Variants in TUSC3 observed in about 807,000 individuals in gnomAD.
TUSC3 encodes the protein dolichyl-diphosphooligosaccharide--protein glycosyltransferase subunit TUSC3.
Under a neutral mutation model 44.8 loss-of-function variants are expected in TUSC3, and 45 were observed. The ratio of observed to expected loss-of-function variants is 1.00; its 90% CI spans 0.79 to 1.29. The LOEUF (loss-of-function observed/expected upper bound fraction) is 1.29, where lower values mean the gene tolerates loss of function less well. TUSC3 is among the 50% of genes most tolerant of loss of function. TUSC3 has a pLI of 0.00. For synonymous variants in TUSC3, 212 were observed against 152.9 expected (o/e 1.39, Z -2.85); for missense variants, 519 against 437.9 (o/e 1.19, Z -1.65).
intron 1 of TUSC3, among the ~76,000 whole-genome samples, chr8:15,545,242 T>C (rs17121627): frequency 0.028 from 4,284 of 151,640 alleles, 212 homozygotes; most frequent in African/African-American, 0.096. Flanking sequence ...CAGCAATAGA[T>C]AGTTTATTAC....
At chr8:15,518,227 G>A (rs1182957542) in intron 2 of TUSC3, among the ~76,000 whole-genome samples, 1 of 151,786 alleles carries the variant, frequency 6.6e-6, no homozygotes, top group African/African-American at 2.4e-5. Context: ...ACTTCTTTGT[G>A]GTCAATATTA....
chr8:15,791,427 T>C, the TUSC3 span, among the ~76,000 whole-genome samples: 39,817 of 152,054 alleles, frequency 0.26, 5,478 homozygotes, highest in Admixed American at 0.37. Context: ...TATGTTAATT[T>C]ATATGCATAG....
chr8:15,551,998 T>C (rs1352228630), intron 1 of TUSC3, among the ~76,000 whole-genome samples: 1 of 151,758 alleles, frequency 6.6e-6, no homozygotes, highest in African/African-American at 2.4e-5. Flanking sequence ...TAGAAACTTC[T>C]TGAGTATGGA....
At chr8:15,826,682 A>C in the TUSC3 span, among the ~76,000 whole-genome samples, 1 of 152,194 alleles carries the variant, frequency 6.6e-6, no homozygotes, top group Non-Finnish European at 1.5e-5. Context: ...ATGCTGTCAC[A>C]TAGGAGTCAG....
At chr8:15,689,152 C>G (rs1005564514) in intron 6 of TUSC3, 1 of 406,852 alleles carries the variant, frequency 2.5e-6, no homozygotes, top group Non-Finnish European at 4.9e-6. Context: ...ATCGCTTTTT[C>G]TTTCCACTCT....
intron 1 of TUSC3, among the ~76,000 whole-genome samples, chr8:15,556,015 T>A (rs1260884838): frequency 6.6e-6 from 1 of 151,292 alleles, no homozygotes; most frequent in Non-Finnish European, 1.5e-5. Context: ...TTTATTTTTT[T>A]TTTATTATAC....
At chr8:15,519,990 T>C (rs1192435011) in intron 2 of TUSC3, among the ~76,000 whole-genome samples, 1 of 152,192 alleles carries the variant, frequency 6.6e-6, no homozygotes, top group African/African-American at 2.4e-5. Context: ...TTGCTCACTG[T>C]TGGCTCTTAA....
At chr8:15,586,367 A>T (rs76389733) in intron 1 of TUSC3, among the ~76,000 whole-genome samples, 3 of 152,228 alleles carry the variant, frequency 2.0e-5, no homozygotes, top group East Asian at 3.9e-4. Flanking sequence ...TGCATATTCA[A>T]AAGAGGAGTT....
intron 1 of TUSC3, among the ~76,000 whole-genome samples, chr8:15,621,127 T>G (rs1227089424): frequency 2.0e-5 from 3 of 152,062 alleles, no homozygotes; most frequent in Non-Finnish European, 4.4e-5. Context: ...TTTCCACTCT[T>G]TCCATAGAGG....
At chr8:15,737,642 T>C (rs895247284) in intron 7 of TUSC3, among the ~76,000 whole-genome samples, 3 of 152,160 alleles carry the variant, frequency 2.0e-5, no homozygotes, top group African/African-American at 7.2e-5. Flanking sequence ...GTCCATCTGT[T>C]ATTTTCTTTT....
chr8:15,480,485 G>T (rs1800643433), intron 1 of TUSC3, among the ~76,000 whole-genome samples: 1 of 152,162 alleles, frequency 6.6e-6, no homozygotes, highest in South Asian at 2.1e-4. Context: ...CCTACATCAA[G>T]TACAACTTCT....
intron 2 of TUSC3, among the ~76,000 whole-genome samples, chr8:15,645,189 A>G (rs573410105): frequency 6.6e-6 from 1 of 152,112 alleles, no homozygotes; most frequent in Admixed American, 6.5e-5. Context: ...TGCATAATCT[A>G]CTTACTTCAG....
chr8:15,709,252 T>C (rs1226120531), intron 6 of TUSC3, among the ~76,000 whole-genome samples: 1 of 151,918 alleles, frequency 6.6e-6, no homozygotes, highest in African/African-American at 2.4e-5. Flanking sequence ...AAAGTTTTTA[T>C]GTTAGTAATA....
At chr8:15,730,616 T>C (rs371141890) in intron 6 of TUSC3, 50 bp from the exon 7 acceptor site, 1 of 1,577,764 alleles carries the variant, frequency 6.3e-7, no homozygotes, top group Non-Finnish European at 8.7e-7. Flanking sequence ...AACTACAAAA[T>C]AATTATGAGG....
chr8:15,571,269 T>A (rs1023864367), intron 1 of TUSC3, among the ~76,000 whole-genome samples: 1 of 152,120 alleles, frequency 6.6e-6, no homozygotes, highest in Non-Finnish European at 1.5e-5. Context: ...TAATTTTTTT[T>A]AATGAAATTG....
At chr8:15,693,977 C>G (rs1419498386) in intron 6 of TUSC3, among the ~76,000 whole-genome samples, 1 of 152,048 alleles carries the variant, frequency 6.6e-6, no homozygotes, top group Non-Finnish European at 1.5e-5. Flanking sequence ...TTTTTCAGCT[C>G]TATCAGCTCA....
intron 2 of TUSC3, among the ~76,000 whole-genome samples, chr8:15,501,961 C>A (rs988070704): frequency 2.0e-5 from 3 of 152,174 alleles, no homozygotes; most frequent in Non-Finnish European, 2.9e-5. Context: ...TTAATCTATT[C>A]CTTCTGACGT....
intron 6 of TUSC3, among the ~76,000 whole-genome samples, chr8:15,691,574 C>G (rs904817679): frequency 1.3e-5 from 2 of 152,118 alleles, no homozygotes; most frequent in African/African-American, 4.8e-5. Context: ...GAGAAGGCAT[C>G]TTTATCTTGT....
intron 1 of TUSC3, among the ~76,000 whole-genome samples, chr8:15,554,142 T>G (rs1802151670): frequency 1.8e-5 from 2 of 109,306 alleles, no homozygotes; most frequent in South Asian, 2.9e-4. Context: ...CTATGGATTT[T>G]TGATTTTGTC....
Sources: gnomAD v4.1 joint callset for allele counts (sites outside exome capture counted in the v4.1 genomes callset) on GRCh38, gnomAD v4.1.1 for gene constraint, MANE v1.5 for transcripts, NCBI Gene and HGNC (gene_info 2026-07-23, HGNC 2026-07-21) for gene names.